ZNF804B: variants seen among roughly 807,000 people sequenced by gnomAD.
ZNF804B encodes the protein zinc finger protein 804B.
Under a neutral mutation model 101.4 loss-of-function variants are expected in ZNF804B, and 80 were observed. The observed-to-expected ratio is 0.79, with a 90% CI of 0.66 to 0.95. ZNF804B has a LOEUF of 0.95. ZNF804B is among the 40% of genes least tolerant of loss of function. ZNF804B has a pLI of 0.00. For missense variants in ZNF804B, 1,673 were observed against 1,561.9 expected, an observed-to-expected ratio of 1.07 and a Z score of -1.20; for synonymous variants, 622 against 558.8, an observed-to-expected ratio of 1.11 and a Z score of -1.59.
At chr7:88,845,299 GCGCACA>G (rs1791356301) in intron 1 of ZNF804B, among the ~76,000 whole-genome samples, 2 of 138,506 alleles carry the variant, frequency 1.4e-5, no homozygotes, top group Middle Eastern at 3.7e-3. Flanking sequence ...GCGCACGCGC[GCGCACA>G]CACACACACA....
chr7:89,260,333 T>C (rs1234204677), intron 2 of ZNF804B, among the ~76,000 whole-genome samples: 1 of 151,344 alleles, frequency 6.6e-6, no homozygotes, highest in Non-Finnish European at 1.5e-5. Flanking sequence ...TACTAATAAA[T>C]GTCCTTTGTG....
chr7:88,799,721 C>CTTAG (rs1437632127), intron 1 of ZNF804B, among the ~76,000 whole-genome samples: 2 of 152,016 alleles, frequency 1.3e-5, no homozygotes, highest in Non-Finnish European at 2.9e-5. Context: ...ATTTCAGGAG[C>CTTAG]TTAGAGTCAG....
intron 1 of ZNF804B, among the ~76,000 whole-genome samples, chr7:88,924,145 G>C (rs777971221): frequency 6.6e-6 from 1 of 151,954 alleles, no homozygotes; most frequent in Non-Finnish European, 1.5e-5. Flanking sequence ...TTCATAAATG[G>C]CTGTAGTAAT....
rs1192052160 is a variant in ZNF804B, at chr7:88,854,545, T to TC, written c.108+94463dup. On this transcript the variant is annotated intron_variant, in intron 1 of 3. Coordinates refer to ENST00000333190, the MANE Select transcript of ZNF804B (RefSeq NM_181646.5). ...TCCTTCCTTTCCTTCCTTCCTTCCT[T>TC]CCTTCCTTCCTTCCTTCCTTCCTTC... Among the ~76,000 whole-genome samples the TC allele has an allele frequency of 6.0e-4, 60 of 100,472 alleles. 3 individuals carry two copies. In the East Asian group the frequency reaches 0.011, roughly 18 times the overall value. The allele number at this position is 100,472 out of a possible 152,430, so 65.9% of individuals were successfully genotyped here.
At chr7:88,830,567 CAT>C (rs1791117628) in intron 1 of ZNF804B, among the ~76,000 whole-genome samples, 1 of 151,900 alleles carries the variant, frequency 6.6e-6, no homozygotes, top group Non-Finnish European at 1.5e-5. Context: ...ATTTTAGACT[CAT>C]ATAAAATTTG....
intron 2 of ZNF804B, among the ~76,000 whole-genome samples, chr7:89,257,555 T>C (rs1322869066): frequency 6.6e-6 from 1 of 152,138 alleles, no homozygotes; most frequent in Non-Finnish European, 1.5e-5. Context: ...CACTACTCTT[T>C]GTATTTAATC....
intron 1 of ZNF804B, among the ~76,000 whole-genome samples, chr7:88,910,975 G>A (rs1481229564): frequency 6.6e-6 from 1 of 151,946 alleles, no homozygotes; most frequent in African/African-American, 2.4e-5. Flanking sequence ...GAATAGAGGC[G>A]ATAGGTTAAC....
chr7:88,920,910 AC>A (rs1792710433), intron 1 of ZNF804B, among the ~76,000 whole-genome samples: 1 of 152,040 alleles, frequency 6.6e-6, no homozygotes, highest in African/African-American at 2.4e-5. Context: ...TTTGCGTGCA[AC>A]CCATGTCAAC....
intron 1 of ZNF804B, among the ~76,000 whole-genome samples, chr7:89,016,312 C>A (rs1213681086): frequency 2.0e-5 from 3 of 151,944 alleles, no homozygotes; most frequent in South Asian, 4.1e-4. Context: ...CTGGTAGTTT[C>A]TTTTGCTGTG....
At chr7:89,005,895 C>A (rs867752559) in intron 1 of ZNF804B, among the ~76,000 whole-genome samples, 1 of 151,954 alleles carries the variant, frequency 6.6e-6, no homozygotes, top group Non-Finnish European at 1.5e-5. Context: ...ACATAAGTGG[C>A]AGTTCTCTAC....
chr7:88,971,151 C>T (rs1793532717), intron 1 of ZNF804B, among the ~76,000 whole-genome samples: 3 of 151,462 alleles, frequency 2.0e-5, no homozygotes, highest in South Asian at 2.1e-4. Flanking sequence ...AACCTATTTA[C>T]TCTATAGCTC....
chr7:88,873,330 T>G (rs1791869241), intron 1 of ZNF804B, among the ~76,000 whole-genome samples: 1 of 152,212 alleles, frequency 6.6e-6, no homozygotes, highest in African/African-American at 2.4e-5. Context: ...TGATTTTTCT[T>G]GTAAATTTGT....
At chr7:88,843,496 G>A (rs1400132462) in intron 1 of ZNF804B, among the ~76,000 whole-genome samples, 1 of 152,100 alleles carries the variant, frequency 6.6e-6, no homozygotes, top group East Asian at 1.9e-4. Flanking sequence ...CCAGCACTTG[G>A]GGAGGCTGAG....
intron 2 of ZNF804B, among the ~76,000 whole-genome samples, chr7:89,238,159 G>A (rs1325412664): frequency 6.6e-6 from 1 of 152,088 alleles, no homozygotes; most frequent in Non-Finnish European, 1.5e-5. Context: ...GACATGGAAA[G>A]GAGGAGGGGC....
At chr7:88,912,501 A>C (rs1792564394) in intron 1 of ZNF804B, among the ~76,000 whole-genome samples, 1 of 152,132 alleles carries the variant, frequency 6.6e-6, no homozygotes, top group Admixed American at 6.5e-5. Context: ...AAGTTCACAA[A>C]TATTTTATGC....
intron 1 of ZNF804B, among the ~76,000 whole-genome samples, chr7:88,891,927 A>G (rs984800418): frequency 3.3e-5 from 5 of 151,778 alleles, no homozygotes; most frequent in African/African-American, 1.2e-4. Flanking sequence ...CCTGTGTCCA[A>G]GTGTTCTCAT....
At chr7:89,196,576 A>T (rs1788556465) in intron 1 of ZNF804B, among the ~76,000 whole-genome samples, 1 of 152,178 alleles carries the variant, frequency 6.6e-6, no homozygotes, top group Non-Finnish European at 1.5e-5. Context: ...CAAAGATTTC[A>T]TGAGAGAGAT....
At chr7:88,836,672 G>A (rs1449914316) in intron 1 of ZNF804B, among the ~76,000 whole-genome samples, 1 of 151,744 alleles carries the variant, frequency 6.6e-6, no homozygotes, top group African/African-American at 2.4e-5. Flanking sequence ...ACATTCTACT[G>A]AATACTTGAG....
At chr7:88,854,527 T>TTTCCTTTCCTTCCCTTCCCTTCC (rs1791519535) in intron 1 of ZNF804B, among the ~76,000 whole-genome samples, 4 of 40,076 alleles carry the variant, frequency 1.0e-4, no homozygotes, top group African/African-American at 3.1e-4. Context: ...CTTTCCTTCC[T>TTTCCTTTCCTTCCCTTCCCTTCC]TTCCTTCCTT....
Sources: gnomAD v4.1 joint callset for allele counts (sites outside exome capture counted in the v4.1 genomes callset) on GRCh38, gnomAD v4.1.1 for gene constraint, MANE v1.5 for transcripts, NCBI Gene and HGNC (gene_info 2026-07-23, HGNC 2026-07-21) for gene names.